The following CTDSPL2 variants were observed in gnomAD, a reference collection of about 807,000 sequenced individuals.
CTDSPL2 encodes CTD small phosphatase-like protein 2.
CTDSPL2 carries 5 observed loss-of-function variants against 60.0 expected under a neutral mutation model. The ratio of observed to expected loss-of-function variants is 0.08; its 90% CI spans 0.04 to 0.18. The LOEUF is 0.18. CTDSPL2 is among the 10% of genes least tolerant of loss of function. The pLI is 1.00. For synonymous variants in CTDSPL2, 186 were observed against 189.3 expected (o/e 0.98, Z 0.14); for missense variants, 370 against 548.8 (o/e 0.67, Z 3.26).
chr15:44,457,980 A>G (rs1595716540), intron 1 of CTDSPL2, among the ~76,000 whole-genome samples: 1 of 152,214 alleles, frequency 6.6e-6, no homozygotes, highest in African/African-American at 2.4e-5. Flanking sequence ...ACTAAAAACA[A>G]TTTCTGAGAC....
rs1340076492 is a variant in CTDSPL2, at chr15:44,527,267, G to GTTGTTTT, written c.*3103_*3109dup. 1 of 150,170 alleles carries GTTGTTTT rather than the reference G, an allele frequency of 6.7e-6. No homozygotes were observed. The highest frequency in any genetic ancestry group is 1.5e-5 in the Non-Finnish European group (1 of 67,798). 9.3% of individuals were successfully genotyped at this position (150,170 alleles called of 1,614,324 possible). ...ACATTGTTTTCTTGTATTTCTCTGG[G>GTTGTTTT]TTGTTTTTTGTTTTTTTTTCCAAGG... is the stretch of plus-strand genomic sequence containing the variant. On this transcript the variant is annotated 3_prime_UTR_variant, in exon 13 of 13. Coordinates refer to ENST00000260327, the MANE Select transcript of CTDSPL2 (RefSeq NM_016396.3).
At chr15:44,432,873 C>T (rs558344295) in intron 1 of CTDSPL2, among the ~76,000 whole-genome samples, 2 of 151,848 alleles carry the variant, frequency 1.3e-5, no homozygotes, top group Admixed American at 6.6e-5. Flanking sequence ...CCACCTGCCT[C>T]GGTCTCCCAA....
At chr15:44,469,757 A>G (rs950773602) in intron 2 of CTDSPL2, among the ~76,000 whole-genome samples, 4 of 152,180 alleles carry the variant, frequency 2.6e-5, no homozygotes, top group South Asian at 2.1e-4. Context: ...CTAATTTTCT[A>G]TATCTTCTTT....
At chr15:44,456,586 T>C (rs1313700468) in intron 1 of CTDSPL2, among the ~76,000 whole-genome samples, 1 of 152,230 alleles carries the variant, frequency 6.6e-6, no homozygotes, top group Non-Finnish European at 1.5e-5. Flanking sequence ...GAATCAGTGA[T>C]GATATCCCCT....
intron 2 of CTDSPL2, among the ~76,000 whole-genome samples, chr15:44,464,081 C>T (rs901285919): frequency 5.3e-5 from 8 of 152,140 alleles, no homozygotes; most frequent in Non-Finnish European, 1.2e-4. Flanking sequence ...ATGATCTCTG[C>T]TCACTGCAAC....
chr15:44,433,574 C>G (rs2079908522), intron 1 of CTDSPL2, among the ~76,000 whole-genome samples: 1 of 151,902 alleles, frequency 6.6e-6, no homozygotes, highest in South Asian at 2.1e-4. Flanking sequence ...CCTCCGCCTC[C>G]CTGGTTCAAG....
At chr15:44,491,958 G>A (rs183357570) in intron 5 of CTDSPL2, among the ~76,000 whole-genome samples, 1 of 152,078 alleles carries the variant, frequency 6.6e-6, no homozygotes, top group Non-Finnish European at 1.5e-5. Context: ...CCACCTCCTG[G>A]GTTCAAGCGA....
At chr15:44,455,121 T>C (rs971395605) in intron 1 of CTDSPL2, among the ~76,000 whole-genome samples, 2 of 152,174 alleles carry the variant, frequency 1.3e-5, no homozygotes, top group East Asian at 1.9e-4. Flanking sequence ...TTGTAGTTCT[T>C]CTTGAAGAGG....
In CTDSPL2 at chr15:44,440,298, C is replaced by T. The variant is rs530735460; in HGVS notation, c.-25+12526C>T. On this transcript the variant is annotated intron_variant, in intron 1 of 12. Transcript: ENST00000260327. The stretch of plus-strand genomic sequence containing the variant: ...ACAACCTCTGCCTCCCAGGTTTAAG[C>T]GATTTTCCTGCCTCAGCCTCCGGAG... Among the ~76,000 whole-genome samples, 7 of 150,766 alleles carry T rather than the reference C, an allele frequency of 4.6e-5. 1 individual carries two copies. The highest frequency in any genetic ancestry group is 2.0e-4 in the East Asian group (1 of 5,118).
chr15:44,455,889 G>C (rs1268467542), intron 1 of CTDSPL2, among the ~76,000 whole-genome samples: 1 of 111,974 alleles, frequency 8.9e-6, no homozygotes, highest in Non-Finnish European at 1.7e-5. Context: ...TCTCGCTGTC[G>C]CCCAGGCTGG....
intron 1 of CTDSPL2, 29 bp from the exon 2 acceptor site, chr15:44,458,962 T>G: frequency 7.4e-7 from 1 of 1,348,070 alleles, no homozygotes; most frequent in Non-Finnish European, 9.9e-7. Flanking sequence ...TTTTAATTTT[T>G]TATTACATTT....
rs919978938 is a variant in CTDSPL2 at position 44,528,139 on chromosome 15, A to T, written c.*3965A>T. ...TATAACATGATTTGAGATCTTTTTT[A>T]AAAAAGGGTGGGGCGGCGGGGGAGA... On this transcript the variant is annotated 3_prime_UTR_variant, in exon 13 of 13. Transcript: ENST00000260327. 2 of 152,096 alleles carry T rather than the reference A, an allele frequency of 1.3e-5. No individual in the cohort carries two copies. The highest frequency in any genetic ancestry group is 4.8e-5 in the African/African-American group (2 of 41,428). The allele number at this position is 152,096 out of a possible 1,614,324, so 9.4% of individuals were successfully genotyped here.
Position 44,514,841 on chromosome 15 carries a change from TC to T in CTDSPL2, c.1110del (p.Arg371GlyfsTer17). Reference protein sequence around the residue: ...LNILDPKKQLVRHRLFREHCV... With the variant: ...LNILDPKKQLXRHRLFREHCV... ...ATACTAGACCCTAAAAAGCAACTGG[TC>T]AGGTAAATTTAATTAAGAAATAGTG... On this transcript the variant is annotated frameshift_variant and splice_region_variant, in exon 10 of 13. Transcript: ENST00000260327. LOFTEE classifies it high-confidence loss of function. 1.3e-6 allele frequency: 2 copies of T among 1,549,274 alleles called. No homozygotes were observed. Among genetic ancestry groups the T allele is most frequent in the Admixed American group, 1.8e-5 (1 of 55,094 alleles).
intron 2 of CTDSPL2, among the ~76,000 whole-genome samples, chr15:44,462,050 T>C (rs575202915): frequency 3.9e-5 from 6 of 152,278 alleles, no homozygotes; most frequent in African/African-American, 1.2e-4. Flanking sequence ...CAGGTGATGC[T>C]CCCACTTCAG....
At chr15:44,444,387 CA>C in intron 1 of CTDSPL2, among the ~76,000 whole-genome samples, 1 of 151,964 alleles carries the variant, frequency 6.6e-6, no homozygotes, top group Admixed American at 6.6e-5. Flanking sequence ...CTCTGTCACC[CA>C]GGTTGGAGTG....
intron 2 of CTDSPL2, among the ~76,000 whole-genome samples, chr15:44,472,708 C>T (rs184651384): frequency 3.3e-5 from 5 of 152,182 alleles, no homozygotes; most frequent in East Asian, 3.9e-4. Flanking sequence ...CTTTGTCACC[C>T]GCTGGAGTGC....
intron 2 of CTDSPL2, among the ~76,000 whole-genome samples, chr15:44,481,179 G>T (rs571175565): frequency 5.3e-5 from 8 of 152,234 alleles, no homozygotes; most frequent in African/African-American, 1.9e-4. Context: ...CTACTGGGGG[G>T]AAATAAAAGG....
intron 12 of CTDSPL2, among the ~76,000 whole-genome samples, chr15:44,523,146 G>A (rs966020241): frequency 6.6e-6 from 1 of 152,042 alleles, no homozygotes; most frequent in Non-Finnish European, 1.5e-5. Flanking sequence ...ACAGGCGCCC[G>A]CCACCACGCC....
chr15:44,433,263 C>T (rs1481532936), intron 1 of CTDSPL2, among the ~76,000 whole-genome samples: 9 of 147,484 alleles, frequency 6.1e-5, no homozygotes, highest in African/African-American at 1.0e-4. Context: ...TGCAGTGAGC[C>T]GTGAGGGTGC....
Sources: gnomAD v4.1 joint callset for allele counts (sites outside exome capture counted in the v4.1 genomes callset) on GRCh38, gnomAD v4.1.1 for gene constraint, MANE v1.5 for transcripts, NCBI Gene and HGNC (gene_info 2026-07-23, HGNC 2026-07-21) for gene names.